Variants in BAHD1 observed in about 807,000 individuals in gnomAD.
The protein encoded by BAHD1 is bromo adjacent homology domain containing 1, also known as bromo adjacent homology domain-containing 1 protein.
BAHD1 carries 20 observed loss-of-function variants against 63.1 expected under a neutral mutation model. The observed-to-expected ratio is 0.32, with a 90% confidence interval of 0.22 to 0.46. BAHD1 has a LOEUF of 0.46. Among genes scored for constraint, BAHD1 ranks in the 20% least tolerant of loss-of-function variants. The pLI, the probability that BAHD1 is intolerant of heterozygous loss-of-function variation, is 1.00. For synonymous variants in BAHD1, 408 were observed against 426.8 expected (o/e 0.96, Z 0.54); for missense variants, 939 against 1,071.8 (o/e 0.88, Z 1.73).
chr15:40,464,514 C>T lies in BAHD1; in HGVS notation c.2019C>T (p.His673=). 6.2e-7 allele frequency: 1 copy of T among 1,613,724 alleles called. No homozygotes were observed. Among genetic ancestry groups the T allele is most frequent in the Non-Finnish European group, 8.5e-7 (1 of 1,179,888 alleles). The change falls in exon 5 of 7, where the codon CAC becomes CAT. Residue 673 remains histidine (H), a synonymous_variant. Transcript: ENST00000416165. The part of the protein sequence containing the change: ...MSLLWYYRPE[H]LQGGRSPSMH... ...TCCTGTGGTATTACAGACCTGAGCA[C>T]TTACAGGGAGGCCGCAGTCCCAGCA...
chr15:40,448,212 A>C (rs1217103074), intron 1 of BAHD1, among the ~76,000 whole-genome samples: 1 of 151,938 alleles, frequency 6.6e-6, no homozygotes, highest in Admixed American at 6.6e-5. Context: ...ACTGCACTCT[A>C]GCCTGGATGA....
chr15:40,465,699 A>G (rs1479527701), intron 6 of BAHD1, among the ~76,000 whole-genome samples: 1 of 152,180 alleles, frequency 6.6e-6, no homozygotes, highest in African/African-American at 2.4e-5. Flanking sequence ...TCTTGGAAAA[A>G]ATTTAGGCGA....
chr15:40,441,913 G>C (rs1035170974), intron 1 of BAHD1, among the ~76,000 whole-genome samples: 1 of 151,852 alleles, frequency 6.6e-6, no homozygotes, highest in African/African-American at 2.4e-5. Context: ...GACCCGACTC[G>C]ATCGGGCTGA....
chr15:40,465,931 C>T lies in BAHD1; in HGVS notation c.2154-10C>T. 1 of 1,557,296 alleles carries T rather than the reference C, an allele frequency of 6.4e-7. No homozygotes were observed. Among genetic ancestry groups the T allele is most frequent in the Non-Finnish European group, 8.7e-7 (1 of 1,153,356 alleles). The stretch of plus-strand genomic sequence containing the variant: ...CTGGAGTAAAGACAGTGAATGGTAT[C>T]TCTCTACAGGTTCTGTGCCATGGCC... On this transcript the variant is annotated splice_polypyrimidine_tract_variant and intron_variant, in intron 6 of 6. Coordinates refer to ENST00000416165, the MANE Select transcript of BAHD1 (RefSeq NM_014952.5).
intron 1 of BAHD1, among the ~76,000 whole-genome samples, chr15:40,455,250 C>T (rs114833039): frequency 2.0e-5 from 3 of 152,278 alleles, no homozygotes; most frequent in African/African-American, 7.2e-5. Flanking sequence ...AAATGTGACT[C>T]GCACCCTGTG....
At chr15:40,437,805 G>A (rs1237620225), upstream of BAHD1, among the ~76,000 whole-genome samples, 5 of 152,174 alleles carry the variant, frequency 3.3e-5, no homozygotes, top group African/African-American at 7.2e-5. Context: ...GGGCAGTGGC[G>A]GGGAGGTGCT....
rs547680337 is a variant in BAHD1 at position 40,456,918 on chromosome 15, G to A, written c.-14-1533G>A. Among the ~76,000 whole-genome samples the A allele has an allele frequency of 1.4e-4, 21 of 152,270 alleles. No homozygotes were observed. The East Asian group carries it at 2.9e-3, about 21-fold the overall frequency. ...TGAATGGTAGGAAGTGAACAGCTCC[G>A]TAGTCTCTGACCACCGCCCTCTGCA... On this transcript the variant is annotated intron_variant, in intron 1 of 6. Transcript: ENST00000416165.
At chr15:40,442,796 C>T (rs754517233) in intron 1 of BAHD1, among the ~76,000 whole-genome samples, 8 of 152,214 alleles carry the variant, frequency 5.3e-5, no homozygotes, top group Non-Finnish European at 8.8e-5. Context: ...AGTCCTTTTA[C>T]TTTGTGCCAC....
intron 5 of BAHD1, chr15:40,465,104 A>T: frequency 1.8e-6 from 1 of 552,344 alleles, no homozygotes; most frequent in Non-Finnish European, 3.2e-6. Flanking sequence ...GTCAGTGACA[A>T]TCAGGGGCTA....
intron 1 of BAHD1, among the ~76,000 whole-genome samples, chr15:40,442,502 T>C (rs1223091486): frequency 9.2e-5 from 14 of 152,186 alleles, no homozygotes; most frequent in Non-Finnish European, 1.5e-4. Flanking sequence ...TGAGCCGCTG[T>C]AGAGCCTGTC....
chr15:40,440,879 G>C (rs1893376719), upstream of BAHD1, among the ~76,000 whole-genome samples: 1 of 152,138 alleles, frequency 6.6e-6, no homozygotes, highest in Admixed American at 6.5e-5. Context: ...TGGCGGAGCT[G>C]GCCGAGGGGC....
upstream of BAHD1, among the ~76,000 whole-genome samples, chr15:40,440,929 G>A (rs1317030278): frequency 2.0e-5 from 3 of 152,110 alleles, no homozygotes; most frequent in Admixed American, 6.5e-5. Flanking sequence ...CAGGAAGGAG[G>A]GCGGCGGAGG....
intron 1 of BAHD1, among the ~76,000 whole-genome samples, chr15:40,456,129 C>T (rs1279970696): frequency 2.0e-5 from 3 of 152,200 alleles, no homozygotes; most frequent in South Asian, 2.1e-4. Context: ...CATGCCAGCA[C>T]GCCTGGCTAA....
intron 1 of BAHD1, among the ~76,000 whole-genome samples, chr15:40,452,395 G>A (rs1310518333): frequency 6.6e-6 from 1 of 152,236 alleles, no homozygotes; most frequent in African/African-American, 2.4e-5. Flanking sequence ...CAGGCAGGAC[G>A]CACACCTTCT....
chr15:40,459,843 C>A lies in BAHD1; in HGVS notation c.1379C>A (p.Thr460Asn). The part of the protein sequence containing the change: ...SICGVLPLSV[T>N]HAGTTCGGCP... ...TGCGGAGTGTTGCCCCTGTCTGTTA[C>A]CCACGCTGGCACTACCTGTGGCGGC... The change falls in exon 2 of 7, where the codon ACC becomes AAC. Residue 460 changes from threonine to asparagine, a missense_variant. Around this residue, in one of 5 missense-constraint regions of BAHD1, gnomAD observed 797 missense variants for 813.3 expected, o/e 0.98. Transcript: ENST00000416165. 3.1e-6 allele frequency: 5 copies of A among 1,608,238 alleles called. No homozygotes were observed. Among genetic ancestry groups the A allele is most frequent in the African/African-American group, 1.3e-5 (1 of 74,964 alleles).
intron 3 of BAHD1, among the ~76,000 whole-genome samples, 173 bp downstream of exon 3, chr15:40,462,467 C>T (rs1276177609): frequency 6.6e-6 from 1 of 152,014 alleles, no homozygotes. Flanking sequence ...AGCTTGCTTC[C>T]CTAGCCCCCT....
rs751215969 is a variant in BAHD1, at chr15:40,459,030, C to G, written c.566C>G (p.Pro189Arg). Residue 189 changes from proline to arginine, a missense_variant, in exon 2 of 7, where the codon CCC (proline) becomes CGC (arginine). By Grantham distance (103) the Pro-to-Arg change is moderately radical. This residue lies in a region of BAHD1 where 797 missense variants were observed against 813.3 expected (regional missense o/e 0.98). Coordinates refer to ENST00000416165, the MANE Select transcript of BAHD1 (RefSeq NM_014952.5). Reference sequence around the variant, plus strand: ...CGGGACCTGTCTCCAGAGCCAGCACCCGATGAAGGTCCCCGCCGAGATGGA... The same window carrying G: ...CGGGACCTGTCTCCAGAGCCAGCACGCGATGAAGGTCCCCGCCGAGATGGA... ...GSRDLSPEPA[P>R]DEGPRRDGDP... 6.3e-7 allele frequency: 1 copy of G among 1,599,462 alleles called. No homozygotes were observed. Among genetic ancestry groups the G allele is most frequent in the Non-Finnish European group, 8.5e-7 (1 of 1,171,686 alleles).
intron 1 of BAHD1, among the ~76,000 whole-genome samples, chr15:40,456,059 A>C (rs1436630238): frequency 6.6e-6 from 1 of 151,860 alleles, no homozygotes; most frequent in African/African-American, 2.4e-5. Context: ...TGCAACCTCC[A>C]CCTCCTGGGT....
chr15:40,454,532 C>T (rs953152657), intron 1 of BAHD1: 1 of 152,156 alleles, frequency 6.6e-6, no homozygotes, highest in African/African-American at 2.4e-5. Flanking sequence ...TTCTCTGGGT[C>T]TTTGGCCTGG....
Sources: gnomAD v4.1 joint callset for allele counts (sites outside exome capture counted in the v4.1 genomes callset) on GRCh38, gnomAD v4.1.1 for gene constraint, gnomAD v4.1.1 regional missense constraint, MANE v1.5 for transcripts, NCBI Gene and HGNC (gene_info 2026-07-23, HGNC 2026-07-21) for gene names.